Variants in TRAPPC9 observed in about 807,000 individuals in gnomAD.
The protein encoded by TRAPPC9 is trafficking protein particle complex subunit 9.
A neutral mutation model predicts 124.0 loss-of-function variants in TRAPPC9; 83 were observed. That is an observed-to-expected ratio of 0.67 (90% confidence interval 0.56 to 0.80). TRAPPC9 has a LOEUF of 0.80. TRAPPC9 is among the 30% of genes least tolerant of loss of function. The pLI is 0.00. For synonymous variants in TRAPPC9, 638 were observed against 617.5 expected (o/e 1.03, Z -0.49); for missense variants, 1,302 against 1,508.3 (o/e 0.86, Z 2.27).
chr8:140,142,055 G>A (rs2061389510), intron 17 of TRAPPC9, among the ~76,000 whole-genome samples: 1 of 152,192 alleles, frequency 6.6e-6, no homozygotes, highest in African/African-American at 2.4e-5. Flanking sequence ...TCCAAGAATA[G>A]CATCATCTGC....
chr8:140,016,407 C>T (rs1046666356), intron 18 of TRAPPC9, among the ~76,000 whole-genome samples: 1 of 152,146 alleles, frequency 6.6e-6, no homozygotes, highest in Non-Finnish European at 1.5e-5. Flanking sequence ...CCAGGCAAAC[C>T]AGACAGTTGC....
intron 17 of TRAPPC9, among the ~76,000 whole-genome samples, chr8:140,135,225 A>G (rs2061279675): frequency 6.6e-6 from 1 of 152,164 alleles, no homozygotes; most frequent in African/African-American, 2.4e-5. Flanking sequence ...GGGAGTGAAA[A>G]TGGTGCAACC....
intron 17 of TRAPPC9, among the ~76,000 whole-genome samples, chr8:140,067,217 C>A (rs1481101780): frequency 6.6e-6 from 1 of 152,200 alleles, no homozygotes; most frequent in Non-Finnish European, 1.5e-5. Context: ...AGTCTTGGCT[C>A]ACTGCAACCT....
At chr8:140,033,706 G>C (rs13261656) in intron 17 of TRAPPC9, among the ~76,000 whole-genome samples, 1 of 59,394 alleles carries the variant, frequency 1.7e-5, no homozygotes, top group African/African-American at 4.3e-5. Context: ...TTTTGAGACA[G>C]AGTCTCGCTC....
At chr8:140,075,821 C>G (rs141828873) in intron 17 of TRAPPC9, among the ~76,000 whole-genome samples, 1 of 152,354 alleles carries the variant, frequency 6.6e-6, no homozygotes, top group African/African-American at 2.4e-5. Context: ...TCACCTTCAG[C>G]TGCAACAGCT....
chr8:140,453,661 C>A (rs2071548856), intron 1 of TRAPPC9, among the ~76,000 whole-genome samples: 2 of 152,316 alleles, frequency 1.3e-5, no homozygotes, highest in South Asian at 4.1e-4. Context: ...AAGTATATTA[C>A]ATGTGTGTGA....
Position 139,741,660 on chromosome 8 carries a change from T to C in TRAPPC9, c.3056-9458A>G, listed in dbSNP as rs189159850. On this transcript the variant is annotated intron_variant, in intron 21 of 22. Transcript: ENST00000438773. ...AAGAAACCCTGTACCCTTTTAGCCA[T>C]CACTGCCCTGCCCCCCAGACCCACT... Among the ~76,000 whole-genome samples the C allele has an allele frequency of 2.6e-5, 4 of 152,092 alleles. No homozygotes were observed. The East Asian group carries it at 7.7e-4, about 29-fold the overall frequency.
At chr8:140,350,443 G>C (rs144163304) in intron 9 of TRAPPC9, among the ~76,000 whole-genome samples, 315 of 152,344 alleles carry the variant, frequency 2.1e-3, no homozygotes, top group Admixed American at 3.7e-3. Context: ...ATGTGACAGG[G>C]ACAGTGGCAA....
At chr8:139,932,385 C>G (rs1023067879) in intron 19 of TRAPPC9, 2 of 457,804 alleles carry the variant, frequency 4.4e-6, no homozygotes, top group Non-Finnish European at 4.4e-6. Context: ...ATCAGAAGCA[C>G]GCTGGACCAC....
chr8:140,027,639 C>T (rs1313645538), intron 17 of TRAPPC9, among the ~76,000 whole-genome samples: 1 of 152,068 alleles, frequency 6.6e-6, no homozygotes, highest in Admixed American at 6.5e-5. Flanking sequence ...AAATCAAGCA[C>T]AGAAAAGTTG....
chr8:140,232,684 G>C (rs953172194), intron 16 of TRAPPC9, among the ~76,000 whole-genome samples: 1 of 152,048 alleles, frequency 6.6e-6, no homozygotes, highest in African/African-American at 2.4e-5. Context: ...CTCCACCCCA[G>C]GTTTTGTGTC....
chr8:139,954,606 C>A (rs1193107644), intron 19 of TRAPPC9, among the ~76,000 whole-genome samples: 1 of 152,226 alleles, frequency 6.6e-6, no homozygotes, highest in Non-Finnish European at 1.5e-5. Context: ...TATTCTAAAT[C>A]ATCTAAATGG....
At chr8:140,370,143 T>C (rs906109496) in intron 8 of TRAPPC9, among the ~76,000 whole-genome samples, 7 of 152,002 alleles carry the variant, frequency 4.6e-5, no homozygotes, top group African/African-American at 1.7e-4. Flanking sequence ...TTTTTTTGTT[T>C]TTTTGGGTTT....
chr8:139,888,621 G>A (rs11781800), intron 20 of TRAPPC9, among the ~76,000 whole-genome samples: 18 of 152,156 alleles, frequency 1.2e-4, no homozygotes, highest in East Asian at 1.9e-4. Context: ...TCTTACTCTC[G>A]CGCAAGCAAT....
intron 5 of TRAPPC9, among the ~76,000 whole-genome samples, chr8:140,418,223 TAAAG>T (rs1003195329): frequency 2.4e-4 from 36 of 152,056 alleles, no homozygotes; most frequent in Admixed American, 1.4e-3. Context: ...AAAATAAAAA[TAAAG>T]AAAGGCCAGG....
intron 5 of TRAPPC9, among the ~76,000 whole-genome samples, chr8:140,414,876 G>T: frequency 6.6e-6 from 1 of 151,972 alleles, no homozygotes; most frequent in South Asian, 2.1e-4. Context: ...CCAGGAGCTG[G>T]GATTACAGAC....
chr8:139,747,228 C>G (rs1818959957), intron 21 of TRAPPC9, among the ~76,000 whole-genome samples: 1 of 152,186 alleles, frequency 6.6e-6, no homozygotes. Flanking sequence ...TGTGTTGAGT[C>G]CTTGTCCTCA....
intron 2 of TRAPPC9, among the ~76,000 whole-genome samples, chr8:140,445,671 T>C (rs2132670234): frequency 1.3e-5 from 2 of 152,370 alleles, no homozygotes; most frequent in East Asian, 1.9e-4. Flanking sequence ...CGACTTCCTG[T>C]ACTTAATACA....
chr8:140,357,623 G>A (rs1197198870), intron 9 of TRAPPC9, among the ~76,000 whole-genome samples: 1 of 152,068 alleles, frequency 6.6e-6, no homozygotes, highest in Non-Finnish European at 1.5e-5. Flanking sequence ...ACTCCCAGGG[G>A]CTGGGGAGAG....
Sources: gnomAD v4.1 joint callset for allele counts (sites outside exome capture counted in the v4.1 genomes callset) on GRCh38, gnomAD v4.1.1 for gene constraint, MANE v1.5 for transcripts, NCBI Gene and HGNC (gene_info 2026-07-23, HGNC 2026-07-21) for gene names.